The following CHAT variants were observed in gnomAD, a reference collection of about 807,000 sequenced individuals.
CHAT encodes the protein choline O-acetyltransferase.
A neutral mutation model predicts 76.9 loss-of-function variants in CHAT; 61 were observed. That is an observed-to-expected ratio of 0.79 (90% CI 0.65 to 0.98). The LOEUF is 0.98. CHAT is among the 50% of genes least tolerant of loss of function. CHAT has a pLI of 0.00. For missense variants in CHAT, 946 were observed against 986.9 expected, an observed-to-expected ratio of 0.96 and a Z score of 0.56; for synonymous variants, 407 against 397.4, an observed-to-expected ratio of 1.02 and a Z score of -0.29.
In CHAT at chr10:49,616,509, C is replaced by T. The variant is rs1237493846; in HGVS notation, c.294C>T (p.His98=). Residue 98 remains histidine (H), a synonymous_variant, in exon 2 of 15, where the codon CAC becomes CAT. Coordinates refer to ENST00000337653, the MANE Select transcript of CHAT (RefSeq NM_020549.5). The part of the protein sequence containing the change: ...EAAEPRRAGP[H]LCIPAPGLTK... ...CCACTTCTTGGTCCCCAGGTCCACA[C>T]CTCTGCATCCCTGCACCAGGACTCA... The T allele has an allele frequency of 1.3e-5, 21 of 1,611,634 alleles. No individual in the cohort carries two copies. The highest frequency in any genetic ancestry group is 1.7e-5 in the Admixed American group (1 of 59,862).
upstream of CHAT, chr10:49,611,457 C>G (rs770074384): frequency 1.9e-6 from 3 of 1,598,298 alleles, no homozygotes; most frequent in East Asian, 2.2e-5. Context: ...ATGAGTTCGC[C>G]GGCAAGCGCG....
At chr10:49,650,367 C>A (rs1026973298) in intron 10 of CHAT, among the ~76,000 whole-genome samples, 8 of 152,064 alleles carry the variant, frequency 5.3e-5, no homozygotes, top group African/African-American at 1.4e-4. Flanking sequence ...AAGATTAATG[C>A]CAAAAGCAGA....
Position 49,664,892 on chromosome 10 carries a change from G to T in CHAT, c.2093G>T (p.Ser698Ile). The T allele has an allele frequency of 6.2e-7, 1 of 1,614,238 alleles. No individual in the cohort carries two copies. The highest frequency in any genetic ancestry group is 8.5e-7 in the Non-Finnish European group (1 of 1,180,038). ...TILFCISSFH[S>I]CKETSSSKFA... ...CTTTTCTGCATCTCTAGCTTTCACA[G>T]CTGCAAAGAGACTTCTTCTAGCAAG... Residue 698 changes from serine (S) to isoleucine (I), a missense_variant, in exon 15 of 15, where the codon AGC becomes ATC. By Grantham distance (142) the Ser-to-Ile change is moderately radical. This residue lies in a region of CHAT where 349 missense variants were observed against 393.9 expected (regional missense o/e 0.89). Coordinates refer to ENST00000337653, the MANE Select transcript of CHAT (RefSeq NM_020549.5).
At chr10:49,655,551 C>T in intron 13 of CHAT, 103 bp downstream of exon 13, 1 of 1,099,690 alleles carries the variant, frequency 9.1e-7, no homozygotes, top group Non-Finnish European at 1.4e-6. Flanking sequence ...GCCCAGCCAC[C>T]TGTTACTCGG....
Position 49,649,530 on chromosome 10 carries a change from A to T in CHAT, c.1405A>T (p.Ile469Phe). 1 of 1,613,860 alleles carries T rather than the reference A, an allele frequency of 6.2e-7. No homozygotes were observed. Among genetic ancestry groups the T allele is most frequent in the Non-Finnish European group, 8.5e-7 (1 of 1,180,036 alleles). ...CAGGACGCAGAGCAGCAGGAAGCTGATCCGAGCAGACTCCGTCAGCGAGCT... is the reference window on the plus strand; with the variant it reads ...CAGGACGCAGAGCAGCAGGAAGCTGTTCCGAGCAGACTCCGTCAGCGAGCT... ...KHVTQSSRKL[I>F]RADSVSELPA... is the part of the protein sequence containing the mutation. The change falls in exon 10 of 15, where the codon ATC becomes TTC. Residue 469 changes from isoleucine to phenylalanine, a missense_variant. Ile to Phe is a conservative substitution (Grantham distance 21). Around this residue, in one of 3 missense-constraint regions of CHAT, gnomAD observed 349 missense variants for 393.9 expected, o/e 0.89. Transcript: ENST00000337653.
At chr10:49,634,782 C>T (rs867749635) in intron 7 of CHAT, among the ~76,000 whole-genome samples, 1 of 152,138 alleles carries the variant, frequency 6.6e-6, no homozygotes, top group African/African-American at 2.4e-5. Flanking sequence ...TTCTGGAAGC[C>T]TGACAGCTCT....
At chr10:49,621,345 T>C (rs1838700828) in intron 4 of CHAT, among the ~76,000 whole-genome samples, 1 of 151,364 alleles carries the variant, frequency 6.6e-6, no homozygotes, top group South Asian at 2.1e-4. Flanking sequence ...CAGCCTTCCC[T>C]CCCACTGTAG....
rs1590562931 is a variant in CHAT at position 49,620,487 on chromosome 10, C to T, written c.580-8C>T. The T allele has an allele frequency of 7.5e-6, 12 of 1,598,986 alleles. No individual in the cohort carries two copies. The highest frequency in any genetic ancestry group is 1.0e-5 in the Non-Finnish European group (12 of 1,166,786). On this transcript the variant is annotated splice_region_variant and splice_polypyrimidine_tract_variant and intron_variant, in intron 3 of 14. Coordinates refer to ENST00000337653, the MANE Select transcript of CHAT (RefSeq NM_020549.5). ...GGATGTGACGGCCTTCCCTGCCCTCCCCGGCAGGTGTCTGAGTACTGGCTG... is the reference window on the plus strand; with the variant it reads ...GGATGTGACGGCCTTCCCTGCCCTCTCCGGCAGGTGTCTGAGTACTGGCTG...
chr10:49,651,881 C>T lies in CHAT; in HGVS notation c.1512-3C>T, dbSNP rs1204044861. 3.1e-6 allele frequency: 5 copies of T among 1,613,496 alleles called. No individual in the cohort carries two copies. Among genetic ancestry groups the T allele is most frequent in the Non-Finnish European group, 4.2e-6 (5 of 1,179,596 alleles). On this transcript the variant is annotated splice_polypyrimidine_tract_variant and splice_region_variant and intron_variant, in intron 10 of 14. Transcript: ENST00000337653. ...AAAAACATCTTTTCTTTTTCTTCCTCAGAATAGTAAAGAACCTTGACTTCA... is the reference window on the plus strand; with the variant it reads ...AAAAACATCTTTTCTTTTTCTTCCTTAGAATAGTAAAGAACCTTGACTTCA...
At chr10:49,609,889 G>T (rs1393122842), upstream of CHAT, among the ~76,000 whole-genome samples, 1 of 151,940 alleles carries the variant, frequency 6.6e-6, no homozygotes, top group East Asian at 2.0e-4. Context: ...GTGCGCCGAG[G>T]TCCAGGCTGA....
rs997119460 is a variant in CHAT at position 49,619,935 on chromosome 10, G to A, written c.579+19G>A. On this transcript the variant is annotated intron_variant, in intron 3 of 14. Transcript: ENST00000337653. Reference sequence around the variant, plus strand: ...CAACTGGGTAAGAGGGGCAGACAAGGAACCCATAGAAGAGGGGCGGGAGGC... The same window carrying A: ...CAACTGGGTAAGAGGGGCAGACAAGAAACCCATAGAAGAGGGGCGGGAGGC... 2 of 1,604,292 alleles carry A rather than the reference G, an allele frequency of 1.2e-6. No homozygotes were observed. The highest frequency in any genetic ancestry group is 1.7e-6 in the Non-Finnish European group (2 of 1,176,014).
At chr10:49,643,296 G>T (rs907815144) in intron 7 of CHAT, among the ~76,000 whole-genome samples, 3 of 152,208 alleles carry the variant, frequency 2.0e-5, no homozygotes, top group Admixed American at 2.0e-4. Context: ...TAAGCTGGAG[G>T]TCAAGCCGAT....
At chr10:49,631,730 G>C (rs1275536730) in intron 7 of CHAT, among the ~76,000 whole-genome samples, 2 of 152,216 alleles carry the variant, frequency 1.3e-5, no homozygotes, top group Non-Finnish European at 2.9e-5. Flanking sequence ...TCATGGTAGA[G>C]AGAAGTTCCC....
At chr10:49,649,458 C>T in intron 9 of CHAT, 50 bp from the exon 10 acceptor site, 1 of 1,613,108 alleles carries the variant, frequency 6.2e-7, no homozygotes, top group Non-Finnish European at 8.5e-7. Flanking sequence ...GAGATGCCTC[C>T]CACAGCTGTC....
chr10:49,649,548 A>T lies in CHAT; in HGVS notation c.1423A>T (p.Ser475Cys), dbSNP rs765549293. 105 of 1,613,804 alleles carry T rather than the reference A, an allele frequency of 6.5e-5. No individual in the cohort carries two copies. Among genetic ancestry groups the T allele is most frequent in the Non-Finnish European group, 8.6e-5 (101 of 1,180,052 alleles). ...SRKLIRADSV[S>C]ELPAPRRLRW... ...GAAGCTGATCCGAGCAGACTCCGTC[A>T]GCGAGCTCCCCGCCCCCCGGAGGCT... is the stretch of plus-strand genomic sequence containing the variant. The change falls in exon 10 of 15, where the codon AGC becomes TGC. Residue 475 changes from serine to cysteine, a missense_variant. By Grantham distance (112) the Ser-to-Cys change is moderately radical. Transcript: ENST00000337653.
At chr10:49,621,965 A>C in intron 4 of CHAT, 132 bp from the exon 5 acceptor site, 4 of 885,192 alleles carry the variant, frequency 4.5e-6, no homozygotes, top group South Asian at 1.4e-5. Flanking sequence ...GGGAGGGAGG[A>C]GGGAGGGAGA....
upstream of CHAT, chr10:49,611,353 C>G (rs1410146758): frequency 6.2e-7 from 1 of 1,600,718 alleles, no homozygotes; most frequent in Admixed American, 1.7e-5. Flanking sequence ...CGATAAGTAC[C>G]CGGAGGAGCC....
At chr10:49,626,798 G>A (rs1007277298) in intron 6 of CHAT, among the ~76,000 whole-genome samples, 1 of 152,202 alleles carries the variant, frequency 6.6e-6, no homozygotes, top group African/African-American at 2.4e-5. Flanking sequence ...CCTGGGTCTA[G>A]GAATAGACCC....
chr10:49,664,970 T>G lies in CHAT; in HGVS notation c.2171T>G (p.Leu724Arg), dbSNP rs760920908. The G allele has an allele frequency of 1.9e-6, 3 of 1,614,284 alleles. No homozygotes were observed. The highest frequency in any genetic ancestry group is 2.5e-6 in the Non-Finnish European group (3 of 1,180,056). The change falls in exon 15 of 15, where the codon CTG (leucine) becomes CGG (arginine). Residue 724 changes from leucine (L) to arginine (R), a missense_variant. Physicochemically the swap from Leu to Arg is moderately radical, Grantham distance 102 (BLOSUM62 -2). Around this residue, in one of 3 missense-constraint regions of CHAT, gnomAD observed 349 missense variants for 393.9 expected, o/e 0.89. Transcript: ENST00000337653. ...SLIDMRDLCS[L>R]LPPTESKPLA... is the part of the protein sequence containing the mutation. ...ATTGACATGAGAGACCTCTGCAGTC[T>G]GCTGCCGCCTACTGAGAGCAAGCCA...
Sources: allele counts gnomAD v4.1 joint callset (sites outside exome capture counted in the v4.1 genomes callset), GRCh38; gene constraint gnomAD v4.1.1; regional missense constraint gnomAD v4.1.1; transcripts MANE v1.5; gene names NCBI Gene and HGNC (gene_info 2026-07-23, HGNC 2026-07-21).